Variants in PCP4 observed in about 807,000 individuals in gnomAD.
The protein encoded by PCP4 is calmodulin regulator protein PCP4.
A neutral mutation model predicts 10.0 loss-of-function variants in PCP4; 8 were observed. The ratio of observed to expected loss-of-function variants is 0.80; its 90% CI spans 0.47 to 1.45. The LOEUF is 1.45. Among genes scored for constraint, PCP4 ranks in the 40% most tolerant of loss-of-function variants. The probability of loss-of-function intolerance (pLI) is 0.00; values close to 1 mark genes in which losing one functional copy is unlikely to be tolerated. For missense variants in PCP4, 54 were observed against 74.4 expected, an observed-to-expected ratio of 0.73 and a Z score of 1.01; for synonymous variants, 21 against 23.0, an observed-to-expected ratio of 0.91 and a Z score of 0.24.
At chr21:39,921,627 C>G (rs1158592822) in intron 2 of PCP4, among the ~76,000 whole-genome samples, 1 of 152,144 alleles carries the variant, frequency 6.6e-6, no homozygotes, top group African/African-American at 2.4e-5. Context: ...CCTCTGGTAC[C>G]CCAGATTGTA....
At chr21:39,922,954 G>A (rs752241939) in intron 2 of PCP4, among the ~76,000 whole-genome samples, 2 of 152,116 alleles carry the variant, frequency 1.3e-5, no homozygotes, top group Non-Finnish European at 2.9e-5. Context: ...TCAATAAGTC[G>A]GGTTTCCCCT....
At chr21:39,910,387 T>G (rs1171588919) in intron 2 of PCP4, among the ~76,000 whole-genome samples, 1 of 152,072 alleles carries the variant, frequency 6.6e-6, no homozygotes, top group Non-Finnish European at 1.5e-5. Context: ...TTCTTACACT[T>G]CAAGTTTCGC....
chr21:39,929,032 C>G lies in PCP4; in HGVS notation c.110C>G (p.Pro37Arg). 6.2e-7 allele frequency: 1 copy of G among 1,613,148 alleles called. No individual in the cohort carries two copies. Among genetic ancestry groups the G allele is most frequent in the Non-Finnish European group, 8.5e-7 (1 of 1,179,410 alleles). ...QEEFDIDMDA[P>R]ETERAAVAIQ... is the part of the protein sequence containing the mutation. ...GAATTTGACATTGACATGGATGCAC[C>G]AGAGACAGAACGTGCAGCGGTGGCC... Residue 37 changes from proline (P) to arginine (R), a missense_variant, in exon 3 of 3, where the codon CCA becomes CGA. Transcript: ENST00000328619.
At chr21:39,869,564 C>T (rs950708349) in intron 1 of PCP4, among the ~76,000 whole-genome samples, 11 of 152,318 alleles carry the variant, frequency 7.2e-5, no homozygotes, top group African/African-American at 2.4e-4. Context: ...CCCTCCTGCC[C>T]TCTTCTCCCC....
At chr21:39,926,401 C>T (rs994310630) in intron 2 of PCP4, among the ~76,000 whole-genome samples, 2 of 152,202 alleles carry the variant, frequency 1.3e-5, no homozygotes, top group Non-Finnish European at 2.9e-5. Flanking sequence ...TTTCTTCCAT[C>T]ATTATAAAAG....
Position 39,920,123 on chromosome 21 carries a change from TTG to T in PCP4, c.62-8852_62-8851del, listed in dbSNP as rs539639540. Among the ~76,000 whole-genome samples, 636 of 135,608 alleles carry T rather than the reference TTG, an allele frequency of 4.7e-3. 8 individuals are homozygous for T. Among genetic ancestry groups the T allele is most frequent in the African/African-American group, 0.017 (603 of 35,750 alleles). 89.0% of individuals were successfully genotyped at this position (135,608 alleles called of 152,430 possible). ...TGTGTTTGGTCTGTGTGTGGGGTGT[TTG>T]TGTGTGTGGTGTGTGTGGTGTAGTG... On this transcript the variant is annotated intron_variant, in intron 2 of 2. Coordinates refer to ENST00000328619, the MANE Select transcript of PCP4 (RefSeq NM_006198.3).
At position 39,906,577 on chromosome 21, in the gene PCP4, C is replaced by A. The variant is rs184286958; in HGVS notation, c.61+8050C>A. ...CGCTCCTCCTTCTTCCCCTTCCTTC[C>A]CCCTTTCCTTCCCTTCCTTCCCTCC... is the stretch of plus-strand genomic sequence containing the variant. On this transcript the variant is annotated intron_variant, in intron 2 of 2. Coordinates refer to ENST00000328619, the MANE Select transcript of PCP4 (RefSeq NM_006198.3). This position sits in a 1 kb window ranked among gnomAD's most constrained non-coding sequence, Gnocchi z 6.3. 6.6e-6 allele frequency among the ~76,000 whole-genome samples: 1 copy of A among 151,978 alleles called. No homozygotes were observed. Among genetic ancestry groups the A allele is most frequent in the Admixed American group, 6.6e-5 (1 of 15,240 alleles).
intron 1 of PCP4, among the ~76,000 whole-genome samples, chr21:39,890,707 AC>A (rs571350745): frequency 1.4e-3 from 212 of 152,204 alleles, no homozygotes; most frequent in African/African-American, 4.8e-3. Flanking sequence ...TTTTTGCAGT[AC>A]TTTTTATTTG....
chr21:39,887,193 TA>T (rs1451083015), intron 1 of PCP4, among the ~76,000 whole-genome samples: 2 of 152,132 alleles, frequency 1.3e-5, no homozygotes, highest in East Asian at 1.9e-4. Flanking sequence ...AAGGTCAGGA[TA>T]AAAAAATGAC....
intron 2 of PCP4, among the ~76,000 whole-genome samples, chr21:39,919,449 T>G (rs2087584373): frequency 6.6e-6 from 1 of 152,250 alleles, no homozygotes; most frequent in African/African-American, 2.4e-5. Flanking sequence ...TTAGGTCCTT[T>G]TATAGTACGC....
chr21:39,869,455 T>C (rs959852782), intron 1 of PCP4, among the ~76,000 whole-genome samples: 1 of 152,226 alleles, frequency 6.6e-6, no homozygotes, highest in Non-Finnish European at 1.5e-5. Context: ...CTTGCCTTAG[T>C]TCCTTTAATG....
At chr21:39,914,220 G>C (rs2087556937) in intron 2 of PCP4, among the ~76,000 whole-genome samples, 1 of 152,124 alleles carries the variant, frequency 6.6e-6, no homozygotes, top group African/African-American at 2.4e-5. Flanking sequence ...ACCAGCCTTT[G>C]TCTTCCTTCT....
intron 1 of PCP4, among the ~76,000 whole-genome samples, chr21:39,880,781 C>T (rs571861217): frequency 4.1e-4 from 62 of 152,232 alleles, no homozygotes; most frequent in Non-Finnish European, 4.7e-4. Flanking sequence ...TTAGTAATTC[C>T]GGGATCAATA....
At position 39,906,345 on chromosome 21, in the gene PCP4, C is replaced by T. The variant is rs1266958964; in HGVS notation, c.61+7818C>T. Among the ~76,000 whole-genome samples, 1 of 152,170 alleles carries T rather than the reference C, an allele frequency of 6.6e-6. No homozygotes were observed. The highest frequency in any genetic ancestry group is 1.5e-5 in the Non-Finnish European group (1 of 68,038). On this transcript the variant is annotated intron_variant, in intron 2 of 2. Coordinates refer to ENST00000328619, the MANE Select transcript of PCP4 (RefSeq NM_006198.3). This position sits in a 1 kb window ranked among gnomAD's most constrained non-coding sequence, Gnocchi z 6.3. ...GTTAATGGGCTACATCTTAGCCAAA[C>T]CAGAAACTATTGTATCCATAGTACC... is the stretch of plus-strand genomic sequence containing the variant.
At chr21:39,919,942 ATG>A (rs917381802) in intron 2 of PCP4, among the ~76,000 whole-genome samples, 11 of 138,094 alleles carry the variant, frequency 8.0e-5, no homozygotes, top group Non-Finnish European at 1.4e-4. Flanking sequence ...GTATGAGTGC[ATG>A]TGTGTGGAGT....
rs779267597 is a variant in PCP4, at chr21:39,906,432, A to C, written c.61+7905A>C. 2.6e-5 allele frequency among the ~76,000 whole-genome samples: 4 copies of C among 152,216 alleles called. No individual in the cohort carries two copies. Among genetic ancestry groups the C allele is most frequent in the Non-Finnish European group, 4.4e-5 (3 of 68,042 alleles). ...ATAGGGGTGATCTCAGACTAATAAT[A>C]GGGACAGCCATGATAGTTTTCAAAA... On this transcript the variant is annotated intron_variant, in intron 2 of 2. Transcript: ENST00000328619. This position sits in a 1 kb window ranked among gnomAD's most constrained non-coding sequence, Gnocchi z 6.3.
chr21:39,899,351 T>A (rs2087472326), intron 2 of PCP4, among the ~76,000 whole-genome samples: 1 of 152,242 alleles, frequency 6.6e-6, no homozygotes, highest in Non-Finnish European at 1.5e-5. Context: ...TCTCCTTTTA[T>A]GGAAAATGAC....
chr21:39,876,088 A>G lies in PCP4; in HGVS notation c.9+8578A>G, dbSNP rs943174073. Reference sequence around the variant, plus strand: ...CAGAATTTTTCAATTAAATCTGAATATATATTTAATTGAAATATATATTAA... The same window carrying G: ...CAGAATTTTTCAATTAAATCTGAATGTATATTTAATTGAAATATATATTAA... On this transcript the variant is annotated intron_variant, in intron 1 of 2. Transcript: ENST00000328619. Among the ~76,000 whole-genome samples the G allele has an allele frequency of 1.7e-4, 25 of 150,458 alleles. No homozygotes were observed. In the East Asian group the frequency reaches 3.3e-3, roughly 20 times the overall value.
intron 2 of PCP4, among the ~76,000 whole-genome samples, chr21:39,911,658 G>C (rs2087540523): frequency 6.6e-6 from 1 of 152,220 alleles, no homozygotes; most frequent in Non-Finnish European, 1.5e-5. Flanking sequence ...GCCGGGATAG[G>C]TGCTCCCCAG....
Sources: allele counts gnomAD v4.1 joint callset (sites outside exome capture counted in the v4.1 genomes callset), GRCh38; gene constraint gnomAD v4.1.1; non-coding constraint Gnocchi (gnomAD v3.1); transcripts MANE v1.5; gene names NCBI Gene and HGNC (gene_info 2026-07-23, HGNC 2026-07-21).